The following ZNF839 variants were observed in gnomAD, a reference collection of about 807,000 sequenced individuals.
The protein encoded by ZNF839 is zinc finger protein 839.
A neutral mutation model predicts 56.4 loss-of-function variants in ZNF839; 38 were observed. The ratio of observed to expected loss-of-function variants is 0.67; its 90% CI spans 0.52 to 0.88. The LOEUF is 0.88. Among genes scored for constraint, ZNF839 ranks in the 40% least tolerant of loss-of-function variants. The pLI is 0.00. For missense variants in ZNF839, 1,091 were observed against 1,177.6 expected, an observed-to-expected ratio of 0.93 and a Z score of 1.08; for synonymous variants, 486 against 493.5, an observed-to-expected ratio of 0.98 and a Z score of 0.20.
chr14:102,341,993 C>T lies in ZNF839; in HGVS notation c.2598C>T (p.Val866=), dbSNP rs12590618. ...GAGAACTGGAGAGCGTGGTTGCTGT[C>T]GGCGAAGCCATGGCTTTTGAAATTT... The part of the protein sequence containing the change: ...GQRELESVVA[V]GEAMAFEISN... Residue 866 remains valine (V), a synonymous_variant, in exon 8 of 8, where the codon GTC becomes GTT. Coordinates refer to ENST00000442396, the MANE Select transcript of ZNF839 (RefSeq NM_018335.6). 0.31 allele frequency: 502,128 copies of T among 1,613,678 alleles called. 81,880 individuals are homozygous for T. Among genetic ancestry groups the T allele is most frequent in the East Asian group, 0.48 (21,677 of 44,866 alleles).
At chr14:102,335,415 C>T (rs1469043651) in intron 4 of ZNF839, 3 of 347,960 alleles carry the variant, frequency 8.6e-6, no homozygotes, top group East Asian at 1.2e-4. Context: ...GCCTTTCTGC[C>T]TTCCCTTCCC....
Position 102,338,960 on chromosome 14 carries a change from ATG to A in ZNF839, c.1797+8_1797+9del. 6.2e-7 allele frequency: 1 copy of A among 1,613,976 alleles called. No individual in the cohort carries two copies. Among genetic ancestry groups the A allele is most frequent in the Non-Finnish European group, 8.5e-7 (1 of 1,179,862 alleles). ...CGAGAAGAGGGAACGTGAGGTGGGCATGGCTGAAGTGGGTGCCAGGTGACTGT... is the reference window on the plus strand; with the variant it reads ...CGAGAAGAGGGAACGTGAGGTGGGCAGCTGAAGTGGGTGCCAGGTGACTGT... On this transcript the variant is annotated splice_region_variant and intron_variant, in intron 6 of 7. Transcript: ENST00000442396.
intron 5 of ZNF839, among the ~76,000 whole-genome samples, chr14:102,336,186 C>G (rs947012717): frequency 6.4e-5 from 9 of 141,510 alleles, no homozygotes; most frequent in African/African-American, 2.3e-4. Context: ...AAAAACAAAA[C>G]AAAACCAAAA....
chr14:102,339,277 A>T, intron 7 of ZNF839, 54 bp downstream of exon 7: 1 of 1,582,132 alleles, frequency 6.3e-7, no homozygotes. Context: ...AGCCCTGCTG[A>T]CATGCACAGA....
At chr14:102,322,193 G>T (rs2073164916) in intron 1 of ZNF839, among the ~76,000 whole-genome samples, 1 of 152,174 alleles carries the variant, frequency 6.6e-6, no homozygotes. Context: ...GTACCATGAT[G>T]ACATTTTTCC....
intron 7 of ZNF839, 162 bp from the exon 8 acceptor site, chr14:102,341,161 G>GT: frequency 1.5e-6 from 1 of 652,840 alleles, no homozygotes; most frequent in Non-Finnish European, 2.3e-6. Flanking sequence ...GAATAGGGAC[G>GT]TATTTTTTAA....
intron 6 of ZNF839, 23 bp from the exon 7 acceptor site, chr14:102,339,071 C>T: frequency 6.2e-7 from 1 of 1,613,706 alleles, no homozygotes; most frequent in Non-Finnish European, 8.5e-7. Context: ...CCTATTCTAG[C>T]TGATTGGGTC....
rs777055644 is a variant in ZNF839, at chr14:102,335,848, TC to T, written c.1659+13del. 6.2e-7 allele frequency: 1 copy of T among 1,608,428 alleles called. No individual in the cohort carries two copies. The highest frequency in any genetic ancestry group is 1.7e-5 in the Admixed American group (1 of 59,682). On this transcript the variant is annotated intron_variant, in intron 5 of 7. Transcript: ENST00000442396. ...AATAAACAATGATAAGGTAACAATC[TC>T]CCATGGCAGAAAGAGTTTTGCTCAT...
intron 2 of ZNF839, among the ~76,000 whole-genome samples, chr14:102,328,375 A>AAATATAT (rs1197718891): frequency 1.6e-3 from 26 of 16,336 alleles, no homozygotes; most frequent in Middle Eastern, 0.071. Flanking sequence ...AAAAAAAAAA[A>AAATATAT]ATATATATAT....
chr14:102,337,522 A>G lies in ZNF839; in HGVS notation c.1660-1294A>G, dbSNP rs191426162. 2.0e-5 allele frequency: 3 copies of G among 152,300 alleles called. No homozygotes were observed. The East Asian group carries it at 5.8e-4, about 29-fold the overall frequency. 9.4% of individuals were successfully genotyped at this position (152,300 alleles called of 1,614,324 possible). A position where few individuals can be genotyped will look rare whatever the true frequency, so the allele number is the denominator to read the frequency against. On this transcript the variant is annotated intron_variant, in intron 5 of 7. Transcript: ENST00000442396. ...ATGTAAAAGGTTTTTGCTAAGCCTC[A>G]TGTAGATGCCCTCCACAGCAGTCAC...
rs752098104 is a variant in ZNF839, at chr14:102,326,323, G to C, written c.627G>C (p.Leu209Phe). 1.2e-6 allele frequency: 2 copies of C among 1,611,108 alleles called. No homozygotes were observed. Among genetic ancestry groups the C allele is most frequent in the Non-Finnish European group, 1.7e-6 (2 of 1,178,618 alleles). The change falls in exon 2 of 8, where the codon TTG becomes TTC. Residue 209 changes from leucine to phenylalanine, a missense_variant. Around this residue, in one of 3 missense-constraint regions of ZNF839, gnomAD observed 614 missense variants for 629.2 expected, o/e 0.98. Transcript: ENST00000442396. This position sits in a 1 kb window ranked among gnomAD's most constrained non-coding sequence, Gnocchi z 4.3. The stretch of plus-strand genomic sequence containing the variant: ...AACAGGGCTCCATGTTGACCCCTTT[G>C]TCTGCCTCTGACCCGCTGGCAGTAA... ...PDEQGSMLTP[L>F]SASDPLAVTS...
Position 102,319,933 on chromosome 14 carries a change from G to A in ZNF839, c.168G>A (p.Pro56=). 2.5e-6 allele frequency: 3 copies of A among 1,208,218 alleles called. No homozygotes were observed. Among genetic ancestry groups the A allele is most frequent in the Non-Finnish European group, 2.1e-6 (2 of 968,304 alleles). 74.8% of individuals were successfully genotyped at this position (1,208,218 alleles called of 1,614,324 possible). Residue 56 remains proline (P), a synonymous_variant, in exon 1 of 8, where the codon CCG becomes CCA. Coordinates refer to ENST00000442396, the MANE Select transcript of ZNF839 (RefSeq NM_018335.6). The surrounding 1 kb of genome is among the most constrained non-coding windows in gnomAD (Gnocchi z 4.5). ...EQVTKAQPPP[P]PPPFVLRDAA... Reference sequence around the variant, plus strand: ...TGACGAAGGCGCAGCCGCCGCCGCCGCCGCCCCCCTTCGTGCTGCGGGACG... The same window carrying A: ...TGACGAAGGCGCAGCCGCCGCCGCCACCGCCCCCCTTCGTGCTGCGGGACG...
Position 102,335,684 on chromosome 14 carries a change from C to G in ZNF839, c.1510-5C>G. Reference sequence around the variant, plus strand: ...ACTTTTTTTTTGGTCTTTATCTTCACGAAGGTTGAAAAAGATCATCTAGCA... The same window carrying G: ...ACTTTTTTTTTGGTCTTTATCTTCAGGAAGGTTGAAAAAGATCATCTAGCA... On this transcript the variant is annotated splice_polypyrimidine_tract_variant and splice_region_variant and intron_variant, in intron 4 of 7. Transcript: ENST00000442396. The G allele has an allele frequency of 6.3e-7, 1 of 1,587,882 alleles. No homozygotes were observed. Among genetic ancestry groups the G allele is most frequent in the Non-Finnish European group, 8.5e-7 (1 of 1,175,558 alleles).
rs547521174 is a variant in ZNF839 at position 102,326,775 on chromosome 14, C to T, written c.1079C>T (p.Thr360Met). The change falls in exon 2 of 8, where the codon ACG (threonine) becomes ATG (methionine). Residue 360 changes from threonine to methionine, a missense_variant. Transcript: ENST00000442396. The surrounding 1 kb of genome is among the most constrained non-coding windows in gnomAD (Gnocchi z 4.3). ...AGTGGAAGCACCCTCCGGGGGTGCA[C>T]GGAGGAAAGGACGCTCAGCCTGACC... Reference protein sequence around the residue: ...KASGSTLRGCTEERTLSLTSL... With the variant: ...KASGSTLRGCMEERTLSLTSL... 86 of 1,612,662 alleles carry T rather than the reference C, an allele frequency of 5.3e-5. No individual in the cohort carries two copies. The East Asian group carries it at 8.0e-4, about 15-fold the overall frequency.
Position 102,326,317 on chromosome 14 carries a change from C to T in ZNF839, c.621C>T (p.Thr207=). The T allele has an allele frequency of 1.2e-6, 2 of 1,611,830 alleles. No homozygotes were observed. Among genetic ancestry groups the T allele is most frequent in the South Asian group, 2.2e-5 (2 of 90,746 alleles). ...CAGATGAACAGGGCTCCATGTTGAC[C>T]CCTTTGTCTGCCTCTGACCCGCTGG... ...KAPDEQGSML[T]PLSASDPLAV... Residue 207 remains threonine, a synonymous_variant, in exon 2 of 8, where the codon ACC becomes ACT. Transcript: ENST00000442396. The surrounding 1 kb of genome is among the most constrained non-coding windows in gnomAD (Gnocchi z 4.3).
chr14:102,317,672 A>G (rs1207079996), upstream of ZNF839: 3 of 152,136 alleles, frequency 2.0e-5, no homozygotes, highest in Non-Finnish European at 2.9e-5. Context: ...AAACGGTGAG[A>G]CACAAACCCC....
chr14:102,326,293 A>G lies in ZNF839; in HGVS notation c.597A>G (p.Pro199=). 1 of 1,613,456 alleles carries G rather than the reference A, an allele frequency of 6.2e-7. No homozygotes were observed. Among genetic ancestry groups the G allele is most frequent in the Non-Finnish European group, 8.5e-7 (1 of 1,179,652 alleles). ...PAKRVPAPKA[P]DEQGSMLTPL... Reference sequence around the variant, plus strand: ...AGAGAGTCCCAGCCCCCAAGGCTCCAGATGAACAGGGCTCCATGTTGACCC... The same window carrying G: ...AGAGAGTCCCAGCCCCCAAGGCTCCGGATGAACAGGGCTCCATGTTGACCC... The change falls in exon 2 of 8, where the codon CCA becomes CCG. Residue 199 remains proline, a synonymous_variant. Transcript: ENST00000442396. The surrounding 1 kb of genome is among the most constrained non-coding windows in gnomAD (Gnocchi z 4.3).
intron 1 of ZNF839, among the ~76,000 whole-genome samples, chr14:102,322,330 C>T (rs2073172422): frequency 6.6e-6 from 1 of 152,190 alleles, no homozygotes; most frequent in Non-Finnish European, 1.5e-5. Context: ...TCTGCGGGGA[C>T]TGAGGTATGG....
chr14:102,318,462 G>A (rs1211220187), upstream of ZNF839, among the ~76,000 whole-genome samples: 1 of 151,936 alleles, frequency 6.6e-6, no homozygotes, highest in East Asian at 1.9e-4. Context: ...ATGAAACCCC[G>A]TCTCTACTAA....
Sources: allele counts gnomAD v4.1 joint callset (sites outside exome capture counted in the v4.1 genomes callset), GRCh38; gene constraint gnomAD v4.1.1; regional missense constraint gnomAD v4.1.1; non-coding constraint Gnocchi (gnomAD v3.1); transcripts MANE v1.5; gene names NCBI Gene and HGNC (gene_info 2026-07-23, HGNC 2026-07-21).